The following TBCD variants were observed in gnomAD, a reference collection of about 807,000 sequenced individuals.
TBCD encodes tubulin-specific chaperone D.
Under a neutral mutation model 169.3 loss-of-function variants are expected in TBCD, and 105 were observed. The ratio of observed to expected loss-of-function variants is 0.62; its 90% CI spans 0.53 to 0.73. The LOEUF is 0.73. Among genes scored for constraint, TBCD ranks in the 30% least tolerant of loss-of-function variants. TBCD has a pLI of 0.00. For missense variants in TBCD, 1,444 were observed against 1,600.1 expected (o/e 0.90, Z 1.66); for synonymous variants, 700 against 643.9 (o/e 1.09, Z -1.32).
At chr17:82,771,936 C>A (rs576649352) in intron 5 of TBCD, among the ~76,000 whole-genome samples, 16 of 148,268 alleles carry the variant, frequency 1.1e-4, no homozygotes, top group Middle Eastern at 3.5e-3. Context: ...AAAAAAAAAA[C>A]AAAAACAAAA....
chr17:82,852,711 C>G (rs1418785583), intron 13 of TBCD, among the ~76,000 whole-genome samples: 1 of 152,162 alleles, frequency 6.6e-6, no homozygotes, highest in Non-Finnish European at 1.5e-5. Flanking sequence ...ATGTGGATTT[C>G]AGGGAGACAG....
At chr17:82,882,758 C>T (rs575478977) in intron 14 of TBCD, among the ~76,000 whole-genome samples, 4 of 151,426 alleles carry the variant, frequency 2.6e-5, no homozygotes, top group Non-Finnish European at 5.9e-5. Context: ...GCTGTGAAAC[C>T]GGAGAGCAAG....
chr17:82,936,259 G>A (rs2062615926), intron 34 of TBCD, among the ~76,000 whole-genome samples: 1 of 152,222 alleles, frequency 6.6e-6, no homozygotes, highest in South Asian at 2.1e-4. Flanking sequence ...GTCTCTAAAT[G>A]ACTTTTAACT....
At chr17:82,933,421 T>C (rs1186284970) in intron 34 of TBCD, among the ~76,000 whole-genome samples, 1 of 151,802 alleles carries the variant, frequency 6.6e-6, no homozygotes, top group African/African-American at 2.4e-5. Flanking sequence ...GTACGGCTAA[T>C]GTTTGTATTT....
intron 13 of TBCD, 44 bp from the exon 14 acceptor site, chr17:82,870,180 C>T (rs1230999803): frequency 1.2e-5 from 19 of 1,610,204 alleles, no homozygotes; most frequent in South Asian, 2.2e-5. Flanking sequence ...ACGTGTTGCC[C>T]GTGTGGTCTG....
chr17:82,925,565 G>T (rs955755171), intron 27 of TBCD, among the ~76,000 whole-genome samples: 5 of 152,050 alleles, frequency 3.3e-5, no homozygotes, highest in African/African-American at 1.2e-4. Context: ...GCCACCTGGC[G>T]TCTGAAGCTG....
intron 5 of TBCD, among the ~76,000 whole-genome samples, chr17:82,772,018 T>G (rs1411310188): frequency 6.6e-6 from 1 of 152,200 alleles, no homozygotes; most frequent in African/African-American, 2.4e-5. Flanking sequence ...TAGGTATTTG[T>G]AGTAAATCTA....
chr17:82,768,347 C>G (rs1400311012), intron 4 of TBCD, 73 bp from the exon 5 acceptor site: 6 of 1,582,234 alleles, frequency 3.8e-6, no homozygotes, highest in Admixed American at 1.7e-5. Context: ...AGGGCAGTGA[C>G]TTTGAGTAGA....
chr17:82,940,053 G>T (rs1182275490), intron 37 of TBCD, among the ~76,000 whole-genome samples: 1 of 152,156 alleles, frequency 6.6e-6, no homozygotes, highest in Non-Finnish European at 1.5e-5. Context: ...TGAAAGATGT[G>T]TGTATTGAGT....
At chr17:82,928,079 C>A in intron 30 of TBCD, 91 bp downstream of exon 30, 1 of 1,148,418 alleles carries the variant, frequency 8.7e-7, no homozygotes, top group Non-Finnish European at 1.3e-6. Flanking sequence ...TGCTCAGTGG[C>A]ATTTGCACTG....
intron 13 of TBCD, among the ~76,000 whole-genome samples, chr17:82,836,407 GAC>G (rs1406946266): frequency 1.3e-5 from 2 of 152,258 alleles, no homozygotes; most frequent in African/African-American, 2.4e-5. Context: ...TCGAAACGAT[GAC>G]AGTTGCAAAA....
Position 82,835,671 on chromosome 17 carries a change from C to T in TBCD, c.1318+20737C>T, listed in dbSNP as rs961633568. On this transcript the variant is annotated intron_variant, in intron 13 of 38. Coordinates refer to ENST00000355528, the MANE Select transcript of TBCD (RefSeq NM_005993.5). This position sits in a 1 kb window ranked among gnomAD's most constrained non-coding sequence, Gnocchi z 4.5. ...AACTCCTGACCTCAGGCGATCTGCC[C>T]GCCTCAGCCTCCCAAAGTGCTGGGA... Among the ~76,000 whole-genome samples, 2 of 152,060 alleles carry T rather than the reference C, an allele frequency of 1.3e-5. No homozygotes were observed. The highest frequency in any genetic ancestry group is 2.4e-5 in the African/African-American group (1 of 41,402).
At position 82,831,828 on chromosome 17, in the gene TBCD, G is replaced by A. The variant is rs530175205; in HGVS notation, c.1318+16894G>A. On this transcript the variant is annotated intron_variant, in intron 13 of 38. Transcript: ENST00000355528. The surrounding 1 kb of genome is among the most constrained non-coding windows in gnomAD (Gnocchi z 4.6). The stretch of plus-strand genomic sequence containing the variant: ...ACTCTGGTGGAAGGAAAGGTGAGCC[G>A]GCTTTCCAGGGGTAGCCAGGAGTGT... 2.9e-4 allele frequency: 471 copies of A among 1,614,186 alleles called. 4 individuals carry two copies. In the South Asian group the frequency reaches 4.6e-3, roughly 16 times the overall value.
chr17:82,795,575 G>A (rs2043531257), intron 7 of TBCD: 1 of 985,486 alleles, frequency 1.0e-6, no homozygotes, highest in African/African-American at 1.7e-5. Flanking sequence ...ATGGCTGCAG[G>A]TGATACGGTG....
chr17:82,938,159 G>A (rs775063221), intron 36 of TBCD, 23 bp downstream of exon 36: 9 of 1,605,762 alleles, frequency 5.6e-6, no homozygotes, highest in Admixed American at 1.7e-5. Flanking sequence ...CCCTGCTCAC[G>A]TGTGTTTGCC....
rs1017272360 is a variant in TBCD at position 82,833,201 on chromosome 17, C to T, written c.1318+18267C>T. ...GAGTGCCCCTCACTTTTACACAGAG[C>T]GTGGGCTGGCCACCGTCTACTTGCT... is the stretch of plus-strand genomic sequence containing the variant. On this transcript the variant is annotated intron_variant, in intron 13 of 38. Coordinates refer to ENST00000355528, the MANE Select transcript of TBCD (RefSeq NM_005993.5). The surrounding 1 kb of genome is among the most constrained non-coding windows in gnomAD (Gnocchi z 4.7). Among the ~76,000 whole-genome samples the T allele has an allele frequency of 1.3e-5, 2 of 152,038 alleles. No individual in the cohort carries two copies. Among genetic ancestry groups the T allele is most frequent in the African/African-American group, 4.8e-5 (2 of 41,392 alleles).
At position 82,906,061 on chromosome 17, in the gene TBCD, G is replaced by T. The variant is rs1197789907; in HGVS notation, c.1922+8G>T. ...TGCAGCCCAAGAGAACAGGTAGGAA[G>T]AGTGGGTCTCGAGGAGACACAGGGC... On this transcript the variant is annotated splice_region_variant and intron_variant, in intron 20 of 38. Transcript: ENST00000355528. 6.3e-7 allele frequency: 1 copy of T among 1,594,794 alleles called. No homozygotes were observed. The highest frequency in any genetic ancestry group is 1.3e-5 in the African/African-American group (1 of 74,766).
chr17:82,936,506 C>T (rs1568095226), intron 34 of TBCD, among the ~76,000 whole-genome samples: 1 of 152,186 alleles, frequency 6.6e-6, no homozygotes, highest in East Asian at 1.9e-4. Context: ...ATTGTGTTCT[C>T]TCGGGACGTT....
chr17:82,935,475 C>T (rs1024771406), intron 34 of TBCD, among the ~76,000 whole-genome samples: 14 of 152,008 alleles, frequency 9.2e-5, no homozygotes, highest in African/African-American at 3.1e-4. Flanking sequence ...TCCCAGTGCC[C>T]CCTCCCCGCC....
Sources: gnomAD v4.1 joint callset for allele counts (sites outside exome capture counted in the v4.1 genomes callset) on GRCh38, gnomAD v4.1.1 for gene constraint, Gnocchi (gnomAD v3.1) non-coding constraint, MANE v1.5 for transcripts, NCBI Gene and HGNC (gene_info 2026-07-23, HGNC 2026-07-21) for gene names.